Variants in CEP63 observed in about 807,000 individuals in gnomAD.
CEP63 encodes centrosomal protein of 63 kDa.
Under a neutral mutation model 89.1 loss-of-function variants are expected in CEP63, and 84 were observed. That is an observed-to-expected ratio of 0.94 (90% confidence interval 0.79 to 1.13). CEP63 has a LOEUF of 1.13. Ranked by LOEUF, CEP63 falls within the 50% of genes most tolerant of loss-of-function variation. CEP63 has a pLI of 0.00. For synonymous variants in CEP63, 267 were observed against 272.5 expected, an observed-to-expected ratio of 0.98 and a Z score of 0.20; for missense variants, 838 against 813.3, an observed-to-expected ratio of 1.03 and a Z score of -0.37.
chr3:134,550,317 A>T, intron 11 of CEP63, 57 bp downstream of exon 11: 11 of 1,454,256 alleles, frequency 7.6e-6, no homozygotes, highest in Non-Finnish European at 9.5e-6. Context: ...GATGGAGTTG[A>T]TTAAAGACAT....
the CEP63 span, chr3:134,613,210 A>C: frequency 6.5e-6 from 1 of 154,420 alleles, no homozygotes; most frequent in Non-Finnish European, 1.5e-5. Context: ...GAGTCAAGGA[A>C]GGAAGGAGAG....
At chr3:134,567,562 TC>T (rs199754196), downstream of CEP63, among the ~76,000 whole-genome samples, 100 of 152,184 alleles carry the variant, frequency 6.6e-4, 1 homozygote, top group East Asian at 0.016. Context: ...CACAAGCTAT[TC>T]TAAAGTTTTC....
the CEP63 span, chr3:134,629,423 T>G: frequency 3.6e-6 from 2 of 558,620 alleles, no homozygotes; most frequent in Non-Finnish European, 6.4e-6. Flanking sequence ...GTTCCAGAGA[T>G]GCAAAATCAG....
At chr3:134,688,786 C>G in the CEP63 span, among the ~76,000 whole-genome samples, 1 of 152,182 alleles carries the variant, frequency 6.6e-6, no homozygotes. Flanking sequence ...TGGCTGAGAC[C>G]ATCATTTTGG....
the CEP63 span, among the ~76,000 whole-genome samples, chr3:134,715,988 T>A: frequency 1.3e-5 from 2 of 152,202 alleles, no homozygotes; most frequent in Admixed American, 6.5e-5. Flanking sequence ...CTTTTTTTTT[T>A]ATCACTATTA....
At chr3:134,738,673 T>G in the CEP63 span, among the ~76,000 whole-genome samples, 1 of 152,128 alleles carries the variant, frequency 6.6e-6, no homozygotes, top group African/African-American at 2.4e-5. Context: ...CAGTGTACAC[T>G]GCTCAGGTGA....
chr3:134,488,844 A>T (rs56311960), intron 1 of CEP63, among the ~76,000 whole-genome samples: 19,957 of 151,680 alleles, frequency 0.13, 1,544 homozygotes, highest in East Asian at 0.2. Context: ...CTAGTTAATT[A>T]AAGTGAAATA....
At chr3:134,742,901 A>G in the CEP63 span, among the ~76,000 whole-genome samples, 1 of 152,260 alleles carries the variant, frequency 6.6e-6, no homozygotes, top group East Asian at 1.9e-4. Flanking sequence ...TTCATTATAA[A>G]TTACCCAGTC....
At chr3:134,541,492 A>G (rs1036320680) in intron 6 of CEP63, among the ~76,000 whole-genome samples, 4 of 151,642 alleles carry the variant, frequency 2.6e-5, no homozygotes, top group African/African-American at 9.7e-5. Context: ...GGAATGATAA[A>G]TGAACGATAC....
rs748623766 is a variant in CEP63 at position 134,558,246 on chromosome 3, A to G, written c.1572A>G (p.Lys524=). Residue 524 remains lysine, a synonymous_variant, in exon 13 of 15, where the codon AAA becomes AAG. Coordinates refer to ENST00000675561, the MANE Select transcript of CEP63 (RefSeq NM_001353108.3). ...QQLQKDLMNT[K]SQLEISTQMC... ...TACAGAAAGATTTGATGAATACCAA[A>G]TCTCAGCTGGAGATTTCTACTCAGA... 6 of 1,613,672 alleles carry G rather than the reference A, an allele frequency of 3.7e-6. No homozygotes were observed. Among genetic ancestry groups the G allele is most frequent in the Non-Finnish European group, 5.1e-6 (6 of 1,179,748 alleles).
At chr3:134,603,207 T>C in the CEP63 span, 612 of 173,714 alleles carry the variant, frequency 3.5e-3, 2 homozygotes, top group Admixed American at 5.3e-3. Flanking sequence ...AAGCATCATG[T>C]GAAAAGCTGT....
rs1237448866 is a variant in CEP63, at chr3:134,510,635, A to T, written c.222+3349A>T. On this transcript the variant is annotated intron_variant, in intron 3 of 14. Transcript: ENST00000675561. ...GGAAATTGGGAGGCGGGAAGCAAGA[A>T]GAGTGCACTCACTCTCCCTTCTTGC... The T allele has an allele frequency of 7.7e-6, 5 of 652,900 alleles. No homozygotes were observed. In the Admixed American group the frequency reaches 9.9e-5, roughly 13 times the overall value. The allele number at this position is 652,900 out of a possible 1,614,324, so 40.4% of individuals were successfully genotyped here.
At chr3:134,716,504 C>T in the CEP63 span, among the ~76,000 whole-genome samples, 1 of 152,170 alleles carries the variant, frequency 6.6e-6, no homozygotes, top group Non-Finnish European at 1.5e-5. Flanking sequence ...TTTGGCGGCT[C>T]ATGTGCCCTT....
chr3:134,751,807 T>G, the CEP63 span, among the ~76,000 whole-genome samples: 1 of 152,210 alleles, frequency 6.6e-6, no homozygotes, highest in Non-Finnish European at 1.5e-5. Context: ...TCTAAGCACT[T>G]TCCATTATTC....
chr3:134,510,169 A>C (rs1944497312), intron 3 of CEP63, among the ~76,000 whole-genome samples: 1 of 152,214 alleles, frequency 6.6e-6, no homozygotes. Context: ...GCACAGGAGC[A>C]AACCACTGTT....
At chr3:134,492,178 A>G (rs2107933259) in intron 1 of CEP63, among the ~76,000 whole-genome samples, 1 of 142,198 alleles carries the variant, frequency 7.0e-6, no homozygotes, top group South Asian at 2.2e-4. Flanking sequence ...GGTTCACGCC[A>G]TTCTCCTGCC....
chr3:134,619,387 A>G, the CEP63 span: 1 of 724,670 alleles, frequency 1.4e-6, no homozygotes, highest in Non-Finnish European at 2.5e-6. Context: ...GCTGAATGGA[A>G]CTACAGCCCC....
At chr3:134,534,245 T>C (rs1950364576) in intron 5 of CEP63, among the ~76,000 whole-genome samples, 1 of 152,234 alleles carries the variant, frequency 6.6e-6, no homozygotes, top group African/African-American at 2.4e-5. Context: ...CTTATAATAC[T>C]CTGACCTTAC....
At chr3:134,722,286 C>T in the CEP63 span, among the ~76,000 whole-genome samples, 1 of 18,218 alleles carries the variant, frequency 5.5e-5, no homozygotes, top group Non-Finnish European at 1.7e-4. Context: ...TGTATATATA[C>T]AGTACAGTAT....
Sources: gnomAD v4.1 joint callset for allele counts (sites outside exome capture counted in the v4.1 genomes callset) on GRCh38, gnomAD v4.1.1 for gene constraint, MANE v1.5 for transcripts, NCBI Gene and HGNC (gene_info 2026-07-23, HGNC 2026-07-21) for gene names.